ARMC3: variants seen among roughly 807,000 people sequenced by gnomAD.
ARMC3 encodes armadillo repeat containing 3.
ARMC3 carries 74 observed loss-of-function variants against 90.3 expected under a neutral mutation model. The observed-to-expected ratio is 0.82, with a 90% CI of 0.68 to 0.99. The LOEUF is 0.99. ARMC3 is among the 50% of genes least tolerant of loss of function. ARMC3 has a pLI of 0.00. For missense variants in ARMC3, 958 were observed against 1,042.8 expected, an observed-to-expected ratio of 0.92 and a Z score of 1.12; for synonymous variants, 334 against 361.8, an observed-to-expected ratio of 0.92 and a Z score of 0.87.
At chr10:22,975,392 A>C (rs1835876675) in intron 8 of ARMC3, among the ~76,000 whole-genome samples, 1 of 152,076 alleles carries the variant, frequency 6.6e-6, no homozygotes, top group Admixed American at 6.5e-5. Context: ...GTGAAACCCC[A>C]TCTCTACTAA....
chr10:23,002,873 C>T (rs1329994202), intron 12 of ARMC3, among the ~76,000 whole-genome samples: 3 of 152,050 alleles, frequency 2.0e-5, no homozygotes, highest in East Asian at 3.8e-4. Context: ...CACATCTAGC[C>T]CCAGGTTTTA....
Position 23,001,434 on chromosome 10 carries a change from C to G in ARMC3, c.1426-485C>G, listed in dbSNP as rs183845645. Among the ~76,000 whole-genome samples, 574 of 152,270 alleles carry G rather than the reference C, an allele frequency of 3.8e-3. 7 individuals carry two copies. Among genetic ancestry groups the G allele is most frequent in the African/African-American group, 0.012 (516 of 41,550 alleles). ...TTCTGCTTCCAGCACCTTCTGTCCCCCTCTTATAAAGATCCTTGTGATTAC... is the reference window on the plus strand; with the variant it reads ...TTCTGCTTCCAGCACCTTCTGTCCCGCTCTTATAAAGATCCTTGTGATTAC... On this transcript the variant is annotated intron_variant, in intron 11 of 18. Coordinates refer to ENST00000298032, the MANE Select transcript of ARMC3 (RefSeq NM_173081.5).
intron 1 of ARMC3, among the ~76,000 whole-genome samples, chr10:22,928,996 G>C (rs1482771036): frequency 1.8e-4 from 28 of 152,316 alleles, no homozygotes; most frequent in South Asian, 8.3e-4. Flanking sequence ...GGAGGCTGAG[G>C]CGGGTGGATC....
At chr10:22,932,340 C>T (rs1468046799) in intron 2 of ARMC3, among the ~76,000 whole-genome samples, 1 of 152,168 alleles carries the variant, frequency 6.6e-6, no homozygotes, top group Non-Finnish European at 1.5e-5. Flanking sequence ...TAAATACTTA[C>T]CATTTACATT....
At chr10:23,001,048 CT>C (rs1837262030) in intron 11 of ARMC3, among the ~76,000 whole-genome samples, 1 of 152,088 alleles carries the variant, frequency 6.6e-6, no homozygotes, top group Non-Finnish European at 1.5e-5. Context: ...AGAGAAGACA[CT>C]GTGTATAGAT....
At chr10:22,999,130 TTATA>T (rs1837162254) in intron 11 of ARMC3, among the ~76,000 whole-genome samples, 1 of 151,122 alleles carries the variant, frequency 6.6e-6, no homozygotes, top group African/African-American at 2.5e-5. Flanking sequence ...ATGTGGGTTA[TTATA>T]TGTACTCTTG....
chr10:22,982,194 T>C (rs186496003), intron 10 of ARMC3, among the ~76,000 whole-genome samples: 30 of 152,298 alleles, frequency 2.0e-4, no homozygotes, highest in Non-Finnish European at 4.1e-4. Flanking sequence ...CTTACCAACA[T>C]GGTGAAGCCC....
rs1011455277 is a variant in ARMC3, at chr10:23,037,820, T to C, written c.*341T>C. 18 of 184,786 alleles carry C rather than the reference T, an allele frequency of 9.7e-5. No homozygotes were observed. The highest frequency in any genetic ancestry group is 1.2e-4 in the Admixed American group (2 of 16,808). 11.4% of individuals were successfully genotyped at this position (184,786 alleles called of 1,614,324 possible). A position where few individuals can be genotyped will look rare whatever the true frequency, so the allele number is the denominator to read the frequency against. ...TCAGCTGCTGCACCCAGGACAACAC[T>C]GTGGCCTCATGACTGTCATCTTTCA... On this transcript the variant is annotated 3_prime_UTR_variant, in exon 19 of 19. Transcript: ENST00000298032.
intron 8 of ARMC3, among the ~76,000 whole-genome samples, chr10:22,974,782 A>G (rs372167395): frequency 9.2e-5 from 14 of 152,246 alleles, no homozygotes; most frequent in African/African-American, 3.1e-4. Context: ...AGCTGGGATT[A>G]TAGGTGCGTG....
At position 23,001,713 on chromosome 10, in the gene ARMC3, C is replaced by G. The variant is rs558264222; in HGVS notation, c.1426-206C>G. ...CAGGATGACCTCCCTGGGATACTTT[C>G]CCAGGGCCCGAAAACCGGGCTTCTC... On this transcript the variant is annotated intron_variant, in intron 11 of 18. Coordinates refer to ENST00000298032, the MANE Select transcript of ARMC3 (RefSeq NM_173081.5). Among the ~76,000 whole-genome samples, 3 of 152,280 alleles carry G rather than the reference C, an allele frequency of 2.0e-5. No homozygotes were observed. In the South Asian group the frequency reaches 6.2e-4, roughly 32 times the overall value.
rs184330523 is a variant in ARMC3, at chr10:23,008,788, G to A, written c.1929-27G>A. ...TGTTGTTTTCCATATGATTGAAATT[G>A]GTTGTGGTTTTTTTTCAAATGACAA... is the stretch of plus-strand genomic sequence containing the variant. On this transcript the variant is annotated intron_variant, in intron 15 of 18. Coordinates refer to ENST00000298032, the MANE Select transcript of ARMC3 (RefSeq NM_173081.5). 2.2e-5 allele frequency: 34 copies of A among 1,553,300 alleles called. No individual in the cohort carries two copies. The African/African-American group carries it at 4.2e-4, about 19-fold the overall frequency.
At chr10:22,942,813 A>G (rs1004775669) in intron 2 of ARMC3, among the ~76,000 whole-genome samples, 1 of 152,234 alleles carries the variant, frequency 6.6e-6, no homozygotes, top group African/African-American at 2.4e-5. Flanking sequence ...TGATTTCCTT[A>G]AACTGGAAAG....
intron 10 of ARMC3, among the ~76,000 whole-genome samples, chr10:22,989,916 A>G (rs921355321): frequency 6.6e-6 from 1 of 152,230 alleles, no homozygotes; most frequent in Non-Finnish European, 1.5e-5. Context: ...TGGATTCCCT[A>G]TCCCCATTTC....
At chr10:22,973,350 G>A (rs1024138578) in intron 8 of ARMC3, among the ~76,000 whole-genome samples, 1 of 149,350 alleles carries the variant, frequency 6.7e-6, no homozygotes, top group Admixed American at 6.7e-5. Context: ...TAACATCTTT[G>A]ATTTATAGTT....
intron 7 of ARMC3, among the ~76,000 whole-genome samples, chr10:22,965,215 C>T (rs1217408530): frequency 1.3e-5 from 2 of 152,168 alleles, no homozygotes; most frequent in Non-Finnish European, 1.5e-5. Context: ...ACCTGAAGAA[C>T]CTCATTTAGC....
chr10:22,990,770 C>T (rs1361714606), intron 10 of ARMC3, among the ~76,000 whole-genome samples: 1 of 152,078 alleles, frequency 6.6e-6, no homozygotes, highest in African/African-American at 2.4e-5. Flanking sequence ...CCTCCAGGAC[C>T]CTTAACTTCT....
intron 10 of ARMC3, among the ~76,000 whole-genome samples, chr10:22,993,863 A>G (rs1353958390): frequency 1.3e-5 from 2 of 152,324 alleles, no homozygotes; most frequent in Admixed American, 1.3e-4. Context: ...AAATCGCACA[A>G]TATTTTTAGT....
intron 2 of ARMC3, among the ~76,000 whole-genome samples, chr10:22,942,891 C>A (rs979144817): frequency 2.0e-5 from 3 of 152,112 alleles, no homozygotes; most frequent in African/African-American, 7.2e-5. Flanking sequence ...TATGACTTAG[C>A]TATATAAGCA....
At chr10:22,958,926 T>C in intron 4 of ARMC3, 144 bp from the exon 5 acceptor site, 1 of 599,160 alleles carries the variant, frequency 1.7e-6, no homozygotes, top group South Asian at 2.1e-5. Flanking sequence ...TTTCACCATG[T>C]TGGCTAGGCT....
Sources: gnomAD v4.1 joint callset for allele counts (sites outside exome capture counted in the v4.1 genomes callset) on GRCh38, gnomAD v4.1.1 for gene constraint, MANE v1.5 for transcripts, NCBI Gene and HGNC (gene_info 2026-07-23, HGNC 2026-07-21) for gene names.